CYP19A1: variants seen among roughly 807,000 people sequenced by gnomAD.
CYP19A1 encodes aromatase.
A neutral mutation model predicts 44.4 loss-of-function variants in CYP19A1; 32 were observed. The observed-to-expected ratio is 0.72, with a 90% confidence interval of 0.54 to 0.97. The LOEUF (loss-of-function observed/expected upper bound fraction) is 0.97. Among genes scored for constraint, CYP19A1 ranks in the 50% least tolerant of loss-of-function variants. The pLI, the probability that CYP19A1 is intolerant of heterozygous loss-of-function variation, is 0.00. For missense variants in CYP19A1, 598 were observed against 637.8 expected, an observed-to-expected ratio of 0.94 and a Z score of 0.67; for synonymous variants, 212 against 215.6, an observed-to-expected ratio of 0.98 and a Z score of 0.14.
chr15:51,323,697 G>A (rs1198455174), intron 1 of CYP19A1: 1 of 152,334 alleles, frequency 6.6e-6, no homozygotes, highest in Non-Finnish European at 1.5e-5. Context: ...CTCTGCCAGG[G>A]TGTCATCTTC....
chr15:51,286,320 A>C (rs772187269), intron 1 of CYP19A1, among the ~76,000 whole-genome samples: 8 of 152,148 alleles, frequency 5.3e-5, no homozygotes, highest in Non-Finnish European at 7.3e-5. Context: ...CTCTCCACAC[A>C]TCATAGCTCA....
intron 9 of CYP19A1, 42 bp from the exon 10 acceptor site, chr15:51,211,098 A>G (rs1244307332): frequency 5.2e-6 from 7 of 1,351,288 alleles, no homozygotes; most frequent in East Asian, 2.3e-5. Context: ...ATTAAAGGCT[A>G]GAGTCACTCA....
In CYP19A1 at chr15:51,222,423, A is replaced by G; in HGVS notation, c.554T>C (p.Val185Ala). ...ACGACGCAGAAGGGTCAACACGTCC[A>G]CATAGCCCGATTCATTGGTCACCTC... Reference protein sequence around the residue: ...LEEVTNESGYVDVLTLLRRVM... With the variant: ...LEEVTNESGYADVLTLLRRVM... The change falls in exon 5 of 10, where the codon GTG becomes GCG. Residue 185 changes from valine to alanine, a missense_variant. Val to Ala is a moderately conservative substitution (Grantham distance 64). Coordinates refer to ENST00000396402, the MANE Select transcript of CYP19A1 (RefSeq NM_000103.4). 1 of 1,614,172 alleles carries G rather than the reference A, an allele frequency of 6.2e-7. No individual in the cohort carries two copies. Among genetic ancestry groups the G allele is most frequent in the Non-Finnish European group, 8.5e-7 (1 of 1,180,012 alleles).
At chr15:51,290,422 C>G (rs1278097882) in intron 1 of CYP19A1, among the ~76,000 whole-genome samples, 1 of 152,144 alleles carries the variant, frequency 6.6e-6, no homozygotes, top group African/African-American at 2.4e-5. Flanking sequence ...TTTTTTATTC[C>G]TAAGTCTTCA....
At chr15:51,211,946 C>G (rs1595664989) in intron 9 of CYP19A1, among the ~76,000 whole-genome samples, 1 of 124,194 alleles carries the variant, frequency 8.1e-6, no homozygotes, top group African/African-American at 4.1e-5. Flanking sequence ...AGTGGACTTT[C>G]CTTTGCTCAG....
intron 1 of CYP19A1, chr15:51,277,295 C>T (rs926802228): frequency 3.3e-5 from 5 of 152,138 alleles, no homozygotes; most frequent in African/African-American, 1.2e-4. Flanking sequence ...TATAATTACG[C>T]AATCTTTATT....
intron 1 of CYP19A1, among the ~76,000 whole-genome samples, chr15:51,287,415 G>A (rs1252924630): frequency 6.6e-6 from 1 of 152,126 alleles, no homozygotes; most frequent in South Asian, 2.1e-4. Flanking sequence ...GAATTGGCCC[G>A]GAAACAGAGC....
chr15:51,234,616 T>C (rs769948010), intron 3 of CYP19A1, among the ~76,000 whole-genome samples: 29 of 152,160 alleles, frequency 1.9e-4, no homozygotes, highest in Non-Finnish European at 3.2e-4. Context: ...ACTCCAGTTC[T>C]AGTCTTAAAC....
At chr15:51,279,677 CT>C (rs2035447616) in intron 1 of CYP19A1, among the ~76,000 whole-genome samples, 1 of 152,140 alleles carries the variant, frequency 6.6e-6, no homozygotes, top group African/African-American at 2.4e-5. Flanking sequence ...CCAAATTTCT[CT>C]TTGTGGCTTA....
intron 2 of CYP19A1, among the ~76,000 whole-genome samples, chr15:51,240,628 C>A (rs1239600219): frequency 6.6e-6 from 1 of 152,168 alleles, no homozygotes; most frequent in Non-Finnish European, 1.5e-5. Flanking sequence ...CCTCCCCCAA[C>A]CAGAAACCAT....
intron 1 of CYP19A1, chr15:51,312,175 A>G (rs192213449): frequency 9.2e-5 from 14 of 152,304 alleles, no homozygotes; most frequent in East Asian, 7.7e-4. Flanking sequence ...GAAGCCTGGA[A>G]TTCATTGGAA....
At chr15:51,262,065 G>T (rs1219431859) in intron 1 of CYP19A1, among the ~76,000 whole-genome samples, 2 of 152,188 alleles carry the variant, frequency 1.3e-5, no homozygotes, top group Non-Finnish European at 2.9e-5. Context: ...GCTGAAGGTT[G>T]TGGGTTTACT....
chr15:51,222,439 T>C lies in CYP19A1; in HGVS notation c.538A>G (p.Asn180Asp), dbSNP rs757627115. 6.2e-6 allele frequency: 10 copies of C among 1,614,054 alleles called. No homozygotes were observed. The highest frequency in any genetic ancestry group is 7.6e-6 in the Non-Finnish European group (9 of 1,180,034). ...AACACGTCCACATAGCCCGATTCATTGGTCACCTCCTCCAACCTGTCCAGA... is the reference window on the plus strand; with the variant it reads ...AACACGTCCACATAGCCCGATTCATCGGTCACCTCCTCCAACCTGTCCAGA... The part of the protein sequence containing the change: ...THLDRLEEVT[N>D]ESGYVDVLTL... Residue 180 changes from asparagine to aspartate, a missense_variant, in exon 5 of 10, where the codon AAT (asparagine) becomes GAT (aspartate). Transcript: ENST00000396402.
intron 6 of CYP19A1, among the ~76,000 whole-genome samples, chr15:51,216,325 C>T (rs1321569983): frequency 6.6e-6 from 1 of 152,166 alleles, no homozygotes; most frequent in African/African-American, 2.4e-5. Flanking sequence ...GATCTCAGCC[C>T]ACTGCAGCCT....
chr15:51,249,392 GCTT>G (rs1368530791), intron 1 of CYP19A1, among the ~76,000 whole-genome samples: 11 of 152,086 alleles, frequency 7.2e-5, no homozygotes, highest in South Asian at 2.1e-4. Context: ...AGACAAGCCT[GCTT>G]CTTCTTCTCC....
chr15:51,305,031 C>G (rs541292102), intron 1 of CYP19A1, among the ~76,000 whole-genome samples: 1 of 151,788 alleles, frequency 6.6e-6, no homozygotes, highest in South Asian at 2.1e-4. Flanking sequence ...TCCCGAGCAG[C>G]TGGCATTACA....
At chr15:51,300,464 T>A (rs2036089318) in intron 1 of CYP19A1, among the ~76,000 whole-genome samples, 1 of 152,156 alleles carries the variant, frequency 6.6e-6, no homozygotes, top group East Asian at 1.9e-4. Flanking sequence ...GATGATTGGG[T>A]GTGATAGAGG....
At chr15:51,270,185 T>C (rs1033958542) in intron 1 of CYP19A1, among the ~76,000 whole-genome samples, 1 of 41,008 alleles carries the variant, frequency 2.4e-5, no homozygotes, top group Admixed American at 1.9e-4. Flanking sequence ...TATTCTTTGG[T>C]TTTTTTTTTG....
rs2031814275 is a variant in CYP19A1 at position 51,218,753 on chromosome 15, C to T, written c.629-98G>A. ...GAGCAGAAAACATTCCCTGCAGATT[C>T]TCCTAACAGTCTGGGGGTTCTAAGC... On this transcript the variant is annotated intron_variant, in intron 5 of 9. Coordinates refer to ENST00000396402, the MANE Select transcript of CYP19A1 (RefSeq NM_000103.4). 7.2e-6 allele frequency: 11 copies of T among 1,531,722 alleles called. No individual in the cohort carries two copies. In the South Asian group the frequency reaches 1.3e-4, roughly 18 times the overall value. 94.9% of individuals were successfully genotyped at this position (1,531,722 alleles called of 1,614,324 possible). A position where few individuals can be genotyped will look rare whatever the true frequency, so the allele number is the denominator to read the frequency against.
Sources: gnomAD v4.1 joint callset for allele counts (sites outside exome capture counted in the v4.1 genomes callset) on GRCh38, gnomAD v4.1.1 for gene constraint, MANE v1.5 for transcripts, NCBI Gene and HGNC (gene_info 2026-07-23, HGNC 2026-07-21) for gene names.